Variants in NUDT5 observed in about 807,000 individuals in gnomAD.
The protein encoded by NUDT5 is ADP-sugar pyrophosphatase.
A neutral mutation model predicts 34.1 loss-of-function variants in NUDT5; 21 were observed. The ratio of observed to expected loss-of-function variants is 0.62; its 90% CI spans 0.44 to 0.89. The LOEUF is 0.89. Among genes scored for constraint, NUDT5 ranks in the 40% least tolerant of loss-of-function variants. NUDT5 has a pLI of 0.00. For synonymous variants in NUDT5, 85 were observed against 97.6 expected, an observed-to-expected ratio of 0.87 and a Z score of 0.76; for missense variants, 249 against 274.8, an observed-to-expected ratio of 0.91 and a Z score of 0.66.
At chr10:12,174,689 C>G (rs1474148783) in intron 5 of NUDT5, among the ~76,000 whole-genome samples, 1 of 152,240 alleles carries the variant, frequency 6.6e-6, no homozygotes, top group African/African-American at 2.4e-5. Context: ...CATGAGCCTT[C>G]ACGACCATCT....
At chr10:12,183,370 A>G (rs2131711312) in intron 3 of NUDT5, among the ~76,000 whole-genome samples, 1 of 152,348 alleles carries the variant, frequency 6.6e-6, no homozygotes, top group Non-Finnish European at 1.5e-5. Context: ...CAGCAGTGCT[A>G]TCTATCTCTT....
chr10:12,171,753 C>T lies in NUDT5; in HGVS notation c.488-845G>A, dbSNP rs1313692107. ...TTTATTTATTTTTTGGAGACAGGGT[C>T]TCAGTCTGTTGCCCGGGCTGGAGTG... On this transcript the variant is annotated intron_variant, in intron 7 of 9. Coordinates refer to ENST00000491614, the MANE Select transcript of NUDT5 (RefSeq NM_014142.4). This position sits in a 1 kb window ranked among gnomAD's most constrained non-coding sequence, Gnocchi z 4.2. Among the ~76,000 whole-genome samples, 1 of 150,644 alleles carries T rather than the reference C, an allele frequency of 6.6e-6. No individual in the cohort carries two copies. Among genetic ancestry groups the T allele is most frequent in the Non-Finnish European group, 1.5e-5 (1 of 67,790 alleles).
Position 12,170,332 on chromosome 10 carries a change from A to G in NUDT5, c.550+385T>C. ...ATTTCTCCTTGAACATACAGCCTCC[A>G]CAAAGGACCATCCCTCATACTAGCA... On this transcript the variant is annotated intron_variant, in intron 9 of 9. Transcript: ENST00000491614. The surrounding 1 kb of genome is among the most constrained non-coding windows in gnomAD (Gnocchi z 4.9). 1.2e-6 allele frequency: 1 copy of G among 815,874 alleles called. No individual in the cohort carries two copies. Among genetic ancestry groups the G allele is most frequent in the Non-Finnish European group, 2.0e-6 (1 of 503,554 alleles). 50.5% of individuals were successfully genotyped at this position (815,874 alleles called of 1,614,324 possible).
At chr10:12,190,877 G>A (rs921388881) in intron 1 of NUDT5, among the ~76,000 whole-genome samples, 1 of 151,906 alleles carries the variant, frequency 6.6e-6, no homozygotes, top group Non-Finnish European at 1.5e-5. Flanking sequence ...CCACAGCACT[G>A]GGATTACAGG....
rs755821025 is a variant in NUDT5, at chr10:12,179,113, G to A, written c.151C>T (p.Arg51Cys). ...GKTRTWESVK[R>C]TTRKEQTADG... is the part of the protein sequence containing the mutation. ...GCAGTCTGCTCTTTCCTGGTTGTAC[G>A]TTTCACTGATTCCCAAGTTCTGTTC... The change falls in exon 4 of 10, where the codon CGT (arginine) becomes TGT (cysteine). Residue 51 changes from arginine (R) to cysteine (C), a missense_variant. Physicochemically the swap from Arg to Cys is radical, Grantham distance 180. Coordinates refer to ENST00000491614, the MANE Select transcript of NUDT5 (RefSeq NM_014142.4). The A allele has an allele frequency of 3.7e-6, 6 of 1,613,814 alleles. No homozygotes were observed. Among genetic ancestry groups the A allele is most frequent in the Admixed American group, 1.7e-5 (1 of 59,974 alleles).
intron 1 of NUDT5, among the ~76,000 whole-genome samples, chr10:12,194,580 T>C (rs1588665113): frequency 6.6e-6 from 1 of 152,180 alleles, no homozygotes; most frequent in Non-Finnish European, 1.5e-5. Context: ...AAGCACTGCT[T>C]CCAACTAGCC....
At chr10:12,172,229 G>A (rs1340845974) in intron 7 of NUDT5, among the ~76,000 whole-genome samples, 1 of 151,914 alleles carries the variant, frequency 6.6e-6, no homozygotes, top group East Asian at 1.9e-4. Flanking sequence ...AAATATTATA[G>A]AGCAAAGAGA....
Position 12,182,475 on chromosome 10 carries a change from G to C in NUDT5, c.131+2414C>G, listed in dbSNP as rs570376335. On this transcript the variant is annotated intron_variant, in intron 3 of 9. Coordinates refer to ENST00000491614, the MANE Select transcript of NUDT5 (RefSeq NM_014142.4). This position sits in a 1 kb window ranked among gnomAD's most constrained non-coding sequence, Gnocchi z 4.3. ...GGTGACATTCTGGTATAAAATATTA[G>C]TGCTTTACATAAATCCTCTTCAGAG... 6.6e-6 allele frequency among the ~76,000 whole-genome samples: 1 copy of C among 152,204 alleles called. No individual in the cohort carries two copies. The highest frequency in any genetic ancestry group is 2.4e-5 in the African/African-American group (1 of 41,514).
At position 12,182,488 on chromosome 10, in the gene NUDT5, A is replaced by G. The variant is rs7900356; in HGVS notation, c.131+2401T>C. Among the ~76,000 whole-genome samples the G allele has an allele frequency of 1, 152,146 of 152,300 alleles. 75,997 individuals carry two copies. Among genetic ancestry groups the G allele is most frequent in the Middle Eastern group, 1 (294 of 294 alleles). On this transcript the variant is annotated intron_variant, in intron 3 of 9. Coordinates refer to ENST00000491614, the MANE Select transcript of NUDT5 (RefSeq NM_014142.4). The surrounding 1 kb of genome is among the most constrained non-coding windows in gnomAD (Gnocchi z 4.3). ...TATAAAATATTAGTGCTTTACATAA[A>G]TCCTCTTCAGAGGCCAGGAAAAAAA... is the stretch of plus-strand genomic sequence containing the variant.
Position 12,169,998 on chromosome 10 carries a change from C to T in NUDT5, c.550+719G>A. 1.1e-6 allele frequency: 1 copy of T among 886,608 alleles called. No individual in the cohort carries two copies. The highest frequency in any genetic ancestry group is 1.8e-6 in the Non-Finnish European group (1 of 557,322). The allele number at this position is 886,608 out of a possible 1,614,324, so 54.9% of individuals were successfully genotyped here. A position where few individuals can be genotyped will look rare whatever the true frequency, so the allele number is the denominator to read the frequency against. On this transcript the variant is annotated intron_variant, in intron 9 of 9. Coordinates refer to ENST00000491614, the MANE Select transcript of NUDT5 (RefSeq NM_014142.4). This position sits in a 1 kb window ranked among gnomAD's most constrained non-coding sequence, Gnocchi z 4.8. ...TTTCTAGATGAGTGAAAGGGATTTG[C>T]CAGCCCATACAGAGGTGCTCCTTGA...
rs892580597 is a variant in NUDT5, at chr10:12,175,584, G to A, written c.290-1771C>T. ...TTGAGCCCAGAAGGTCAAGGCTGCA[G>A]TGAGCTGTGATTGTGCCACTGCACT... On this transcript the variant is annotated intron_variant, in intron 5 of 9. Transcript: ENST00000491614. The surrounding 1 kb of genome is among the most constrained non-coding windows in gnomAD (Gnocchi z 4.8). Among the ~76,000 whole-genome samples the A allele has an allele frequency of 2.0e-5, 3 of 152,158 alleles. No individual in the cohort carries two copies. Among genetic ancestry groups the A allele is most frequent in the Non-Finnish European group, 4.4e-5 (3 of 68,034 alleles).
At position 12,168,085 on chromosome 10, in the gene NUDT5, C is replaced by T. The variant is rs530368694; in HGVS notation, c.551-274G>A. On this transcript the variant is annotated intron_variant, in intron 9 of 9. Transcript: ENST00000491614. This position sits in a 1 kb window ranked among gnomAD's most constrained non-coding sequence, Gnocchi z 4.8. Reference sequence around the variant, plus strand: ...TGTTGCCCAAGCTAGAGGGCAATGGCGTGATCTCGGCTCACTGCAACCTCT... The same window carrying T: ...TGTTGCCCAAGCTAGAGGGCAATGGTGTGATCTCGGCTCACTGCAACCTCT... Among the ~76,000 whole-genome samples the T allele has an allele frequency of 9.3e-5, 14 of 150,898 alleles. No individual in the cohort carries two copies. The highest frequency in any genetic ancestry group is 1.5e-4 in the Non-Finnish European group (10 of 67,904).
At chr10:12,185,364 A>G (rs1482770214) in intron 2 of NUDT5, among the ~76,000 whole-genome samples, 1 of 152,206 alleles carries the variant, frequency 6.6e-6, no homozygotes, top group African/African-American at 2.4e-5. Flanking sequence ...GGCCATTTCT[A>G]GACACTGGTA....
At chr10:12,190,940 CA>C (rs909898408) in intron 1 of NUDT5, among the ~76,000 whole-genome samples, 87 of 152,194 alleles carry the variant, frequency 5.7e-4, no homozygotes, top group African/African-American at 2.0e-3. Flanking sequence ...GATGTGAAGA[CA>C]TGGTTTAGAG....
In NUDT5 at chr10:12,169,288, AGAAG is replaced by A. The variant is rs746810448; in HGVS notation, c.550+1425_550+1428del. On this transcript the variant is annotated intron_variant, in intron 9 of 9. Transcript: ENST00000491614. The surrounding 1 kb of genome is among the most constrained non-coding windows in gnomAD (Gnocchi z 4.8). ...AAGTGAAGTTAAGAAGGTGGAAGGGAGAAGGAAGACATTTTACAAAAAGGATACT... is the reference window on the plus strand; with the variant it reads ...AAGTGAAGTTAAGAAGGTGGAAGGGAGAAGACATTTTACAAAAAGGATACT... 2 of 1,554,924 alleles carry A rather than the reference AGAAG, an allele frequency of 1.3e-6. No individual in the cohort carries two copies. The highest frequency in any genetic ancestry group is 2.4e-5 in the South Asian group (2 of 83,928).
chr10:12,177,727 G>T, intron 5 of NUDT5, 66 bp downstream of exon 5: 1 of 1,159,926 alleles, frequency 8.6e-7, no homozygotes, highest in Non-Finnish European at 1.3e-6. Flanking sequence ...GAGCTTTGCA[G>T]TTCTCAGGCT....
rs780671111 is a variant in NUDT5, at chr10:12,170,464, G to A, written c.550+253C>T. On this transcript the variant is annotated intron_variant, in intron 9 of 9. Transcript: ENST00000491614. The surrounding 1 kb of genome is among the most constrained non-coding windows in gnomAD (Gnocchi z 4.9). ...GGCTACTCAGCAGGAATGTCATCTG[G>A]GCCATTCTGTAGGAGAAAAAGCCTC... is the stretch of plus-strand genomic sequence containing the variant. 16 of 617,996 alleles carry A rather than the reference G, an allele frequency of 2.6e-5. No homozygotes were observed. In the South Asian group the frequency reaches 3.2e-4, roughly 13 times the overall value. The allele number at this position is 617,996 out of a possible 1,614,324, so 38.3% of individuals were successfully genotyped here.
Position 12,166,271 on chromosome 10 carries a change from G to T in NUDT5, c.*1431C>A, listed in dbSNP as rs1834688842. The T allele has an allele frequency of 6.5e-6, 1 of 153,518 alleles. No homozygotes were observed. Among genetic ancestry groups the T allele is most frequent in the Non-Finnish European group, 1.5e-5 (1 of 68,922 alleles). 9.5% of individuals were successfully genotyped at this position (153,518 alleles called of 1,614,324 possible). On this transcript the variant is annotated 3_prime_UTR_variant, in exon 10 of 10. Transcript: ENST00000491614. Reference sequence around the variant, plus strand: ...GCCTTCTCTCTTGATTTCAATGATTGATAGCATGTGGCTTTCAGACCTAAG... The same window carrying T: ...GCCTTCTCTCTTGATTTCAATGATTTATAGCATGTGGCTTTCAGACCTAAG...
chr10:12,181,558 A>AT lies in NUDT5; in HGVS notation c.132-2427dup, dbSNP rs2131709306. Among the ~76,000 whole-genome samples the AT allele has an allele frequency of 6.6e-6, 1 of 152,194 alleles. No homozygotes were observed. The highest frequency in any genetic ancestry group is 1.9e-4 in the East Asian group (1 of 5,194). On this transcript the variant is annotated intron_variant, in intron 3 of 9. Coordinates refer to ENST00000491614, the MANE Select transcript of NUDT5 (RefSeq NM_014142.4). The surrounding 1 kb of genome is among the most constrained non-coding windows in gnomAD (Gnocchi z 5.0). ...AAGCCAAAGAACCCCACAATGAGTC[A>AT]TGCACATAGGTCTCAGCCCTGTGTA...
Sources: allele counts gnomAD v4.1 joint callset (sites outside exome capture counted in the v4.1 genomes callset), GRCh38; gene constraint gnomAD v4.1.1; non-coding constraint Gnocchi (gnomAD v3.1); transcripts MANE v1.5; gene names NCBI Gene and HGNC (gene_info 2026-07-23, HGNC 2026-07-21).